The following NEK10 variants were observed in gnomAD, a reference collection of about 807,000 sequenced individuals.
NEK10 encodes serine/threonine-protein kinase Nek10.
In NEK10, 122 loss-of-function variants were observed where a neutral mutation model predicts 159.8. The ratio of observed to expected loss-of-function variants is 0.76; its 90% CI spans 0.66 to 0.89. NEK10 has a LOEUF of 0.89. Ranked by LOEUF, NEK10 falls within the 40% of genes least tolerant of loss-of-function variation. NEK10 has a pLI of 0.00. For synonymous variants in NEK10, 466 were observed against 457.1 expected (o/e 1.02, Z -0.25); for missense variants, 1,342 against 1,323.1 (o/e 1.01, Z -0.22).
intron 7 of NEK10, among the ~76,000 whole-genome samples, chr3:27,312,643 A>G (rs994847618): frequency 6.6e-6 from 1 of 152,224 alleles, no homozygotes. Context: ...AATAATCAGA[A>G]TAAAATGCGT....
chr3:27,209,087 C>G (rs889619403), intron 23 of NEK10, among the ~76,000 whole-genome samples: 2 of 150,000 alleles, frequency 1.3e-5, no homozygotes, highest in Non-Finnish European at 3.0e-5. Flanking sequence ...CGGCATCCAG[C>G]ATTGACAGCT....
intron 28 of NEK10, among the ~76,000 whole-genome samples, chr3:27,172,277 G>A (rs1022854003): frequency 4.3e-5 from 6 of 140,048 alleles, no homozygotes; most frequent in African/African-American, 1.6e-4. Flanking sequence ...GGAGGTTGCA[G>A]TGAGCTAAGA....
At chr3:27,162,388 C>A in intron 30 of NEK10, 1 of 1,568,446 alleles carries the variant, frequency 6.4e-7, no homozygotes, top group Non-Finnish European at 8.7e-7. Flanking sequence ...ATCGTTCAGA[C>A]ATCTCAGGCC....
chr3:27,366,503 T>C (rs1462262220), intron 1 of NEK10, among the ~76,000 whole-genome samples: 1 of 152,210 alleles, frequency 6.6e-6, no homozygotes, highest in Non-Finnish European at 1.5e-5. Flanking sequence ...TGACTGGCTG[T>C]GACAGGCAGA....
intron 13 of NEK10, among the ~76,000 whole-genome samples, chr3:27,300,937 G>A (rs768607068): frequency 6.6e-6 from 1 of 152,198 alleles, no homozygotes; most frequent in Non-Finnish European, 1.5e-5. Context: ...ATAGTAGACA[G>A]CAAGGAAAGC....
chr3:27,199,543 T>C (rs1257351391), intron 25 of NEK10, among the ~76,000 whole-genome samples: 1 of 152,164 alleles, frequency 6.6e-6, no homozygotes, highest in African/African-American at 2.4e-5. Context: ...TGGAAAACAA[T>C]GTGTAGTGAT....
At chr3:27,225,192 T>C (rs1317892139) in intron 23 of NEK10, among the ~76,000 whole-genome samples, 1 of 152,184 alleles carries the variant, frequency 6.6e-6, no homozygotes, top group African/African-American at 2.4e-5. Flanking sequence ...GCTGGGAGGT[T>C]AGGCCAGTCT....
At chr3:27,320,072 C>T (rs2045509722) in intron 6 of NEK10, among the ~76,000 whole-genome samples, 1 of 152,196 alleles carries the variant, frequency 6.6e-6, no homozygotes, top group South Asian at 2.1e-4. Flanking sequence ...TAAACAACTG[C>T]CTGAGCACGT....
chr3:27,342,866 T>A (rs745711729), intron 5 of NEK10, among the ~76,000 whole-genome samples: 1 of 152,182 alleles, frequency 6.6e-6, no homozygotes, highest in Non-Finnish European at 1.5e-5. Flanking sequence ...AATGATTCTG[T>A]TATTACCATT....
At position 27,107,792 on chromosome 3, in the gene NEK10, T is replaced by C. The variant is rs907183655; in HGVS notation, c.*3480A>G. The stretch of plus-strand genomic sequence containing the variant: ...CCATCATAGAAAAAGTAAAAGGCAA[T>C]GATGAAAGTTCCTTAAAAAGAAGTT... On this transcript the variant is annotated 3_prime_UTR_variant, in exon 36 of 36. Transcript: ENST00000691995. Among the ~76,000 whole-genome samples the C allele has an allele frequency of 2.9e-4, 44 of 152,158 alleles. No individual in the cohort carries two copies. The highest frequency in any genetic ancestry group is 1.1e-3 in the African/African-American group (44 of 41,436).
At chr3:27,335,998 A>C (rs1468407578) in intron 5 of NEK10, among the ~76,000 whole-genome samples, 1 of 152,184 alleles carries the variant, frequency 6.6e-6, no homozygotes, top group Non-Finnish European at 1.5e-5. Context: ...GAAGGAAAGA[A>C]ACAAAAAAGA....
At chr3:27,265,075 G>A (rs373094279) in intron 22 of NEK10, among the ~76,000 whole-genome samples, 2 of 151,960 alleles carry the variant, frequency 1.3e-5, no homozygotes, top group African/African-American at 4.8e-5. Flanking sequence ...AGAATAGTTG[G>A]GTATTTTCTT....
intron 13 of NEK10, among the ~76,000 whole-genome samples, chr3:27,301,076 C>T (rs1262239247): frequency 1.3e-5 from 2 of 152,150 alleles, no homozygotes; most frequent in African/African-American, 4.8e-5. Flanking sequence ...CGCTCTAGGG[C>T]ACCCAAATTG....
intron 5 of NEK10, among the ~76,000 whole-genome samples, chr3:27,328,145 T>C (rs149292092): frequency 0.013 from 1,917 of 152,222 alleles, 28 homozygotes; most frequent in Middle Eastern, 0.034. Flanking sequence ...TTCTTAGAGG[T>C]ATTTCTTCTA....
At chr3:27,363,584 C>G (rs1205282915) in intron 1 of NEK10, 1 of 152,122 alleles carries the variant, frequency 6.6e-6, no homozygotes, top group East Asian at 1.9e-4. Context: ...TGACCAGTAT[C>G]CAGTGATTGC....
intron 22 of NEK10, among the ~76,000 whole-genome samples, chr3:27,279,534 C>T (rs2042000362): frequency 1.3e-5 from 2 of 152,190 alleles, no homozygotes; most frequent in African/African-American, 4.8e-5. Context: ...AGATAAGAGA[C>T]TAATGGACAT....
At chr3:27,202,677 T>C in intron 23 of NEK10, 120 bp from the exon 24 acceptor site, 1 of 1,253,608 alleles carries the variant, frequency 8.0e-7, no homozygotes, top group Non-Finnish European at 1.0e-6. Context: ...ACTTAATCAC[T>C]ATTTCAGGAA....
Position 27,192,204 on chromosome 3 carries a change from A to G in NEK10, c.2330T>C (p.Val777Ala). The G allele has an allele frequency of 6.2e-7, 1 of 1,614,194 alleles. No individual in the cohort carries two copies. Among genetic ancestry groups the G allele is most frequent in the Non-Finnish European group, 8.5e-7 (1 of 1,180,012 alleles). ...ATCTGATATCATCGAACTGACTTCTACAATATCTGGACGAGCTTCCGCATC... is the reference window on the plus strand; with the variant it reads ...ATCTGATATCATCGAACTGACTTCTGCAATATCTGGACGAGCTTCCGCATC... ...TPDAEARPDI[V>A]EVSSMISDVM... Residue 777 changes from valine to alanine, a missense_variant, in exon 26 of 36, where the codon GTA (valine) becomes GCA (alanine). Val to Ala is a moderately conservative substitution (Grantham distance 64, BLOSUM62 0). Coordinates refer to ENST00000691995, the MANE Select transcript of NEK10 (RefSeq NM_001394966.1).
intron 23 of NEK10, among the ~76,000 whole-genome samples, chr3:27,230,078 C>A (rs1478978370): frequency 2.6e-5 from 4 of 151,902 alleles, no homozygotes; most frequent in African/African-American, 9.7e-5. Flanking sequence ...TCAGGCAAAC[C>A]AAAATCAGCA....
Sources: gnomAD v4.1 joint callset for allele counts (sites outside exome capture counted in the v4.1 genomes callset) on GRCh38, gnomAD v4.1.1 for gene constraint, MANE v1.5 for transcripts, NCBI Gene and HGNC (gene_info 2026-07-23, HGNC 2026-07-21) for gene names.